Variants in HECTD4 observed in about 807,000 individuals in gnomAD.
HECTD4 encodes the protein probable E3 ubiquitin-protein ligase HECTD4.
In HECTD4, 114 loss-of-function variants were observed where a neutral mutation model predicts 471.5. That is an observed-to-expected ratio of 0.24 (90% CI 0.21 to 0.28). The LOEUF is 0.28. Ranked by LOEUF, HECTD4 falls within the 10% of genes least tolerant of loss-of-function variation. The pLI, the probability that HECTD4 is intolerant of heterozygous loss-of-function variation, is 1.00. For synonymous variants in HECTD4, 2,012 were observed against 2,256.0 expected (o/e 0.89, Z 3.07); for missense variants, 3,866 against 5,651.5 (o/e 0.68, Z 10.13).
intron 61 of HECTD4, among the ~76,000 whole-genome samples, chr12:112,183,632 T>G (rs2031752378): frequency 6.6e-6 from 1 of 152,226 alleles, no homozygotes; most frequent in African/African-American, 2.4e-5. Context: ...TCAACCCTCC[T>G]TGCAGAGCCT....
Position 112,381,836 on chromosome 12 carries a change from T to C in HECTD4, c.177+116A>G. ...TGCCCGCCCCGCGCCCACACACACCTGCCCCGGCAGCCGCCGGGAGGCGAG... is the reference window on the plus strand; with the variant it reads ...TGCCCGCCCCGCGCCCACACACACCCGCCCCGGCAGCCGCCGGGAGGCGAG... On this transcript the variant is annotated intron_variant, in intron 1 of 75. Coordinates refer to ENST00000682272, the MANE Select transcript of HECTD4 (RefSeq NM_001388303.1). This position sits in a 1 kb window ranked among gnomAD's most constrained non-coding sequence, Gnocchi z 4.1. 4.3e-6 allele frequency: 3 copies of C among 691,954 alleles called. No homozygotes were observed. The highest frequency in any genetic ancestry group is 5.9e-6 in the Non-Finnish European group (3 of 504,524). 42.9% of individuals were successfully genotyped at this position (691,954 alleles called of 1,614,324 possible).
intron 22 of HECTD4, 62 bp from the exon 23 acceptor site, chr12:112,252,590 G>A (rs757251729): frequency 6.4e-7 from 1 of 1,556,550 alleles, no homozygotes; most frequent in Non-Finnish European, 8.7e-7. Context: ...TTTCAAAAGA[G>A]CAATGAATTT....
rs1327152230 is a variant in HECTD4, at chr12:112,201,283, G to C, written c.8407-485C>G. On this transcript the variant is annotated intron_variant, in intron 54 of 75. Transcript: ENST00000682272. ...ATTTTTGTATTTTTAGTGGAGGTGGGGTTTCACCATGTTGGCCAGGCTGGT... is the reference window on the plus strand; with the variant it reads ...ATTTTTGTATTTTTAGTGGAGGTGGCGTTTCACCATGTTGGCCAGGCTGGT... The C allele has an allele frequency of 2.1e-5, 6 of 290,598 alleles. No individual in the cohort carries two copies. The East Asian group carries it at 5.9e-4, about 29-fold the overall frequency. 18.0% of individuals were successfully genotyped at this position (290,598 alleles called of 1,614,324 possible). A position where few individuals can be genotyped will look rare whatever the true frequency, so the allele number is the denominator to read the frequency against.
At chr12:112,223,888 A>G (rs992637652) in intron 44 of HECTD4, among the ~76,000 whole-genome samples, 3 of 152,248 alleles carry the variant, frequency 2.0e-5, no homozygotes, top group South Asian at 2.1e-4. Flanking sequence ...GAGGAAAAAT[A>G]ATAGAAGTTG....
chr12:112,161,962 A>T lies in HECTD4; in HGVS notation c.*425T>A. On this transcript the variant is annotated 3_prime_UTR_variant, in exon 76 of 76. Transcript: ENST00000682272. ...TCGAGGCTGGAGGGCAGGGCTGGCC[A>T]CAGGCTTGTCTGTGGAGGCGCTCTG... is the stretch of plus-strand genomic sequence containing the variant. 6.4e-6 allele frequency: 1 copy of T among 157,334 alleles called. No individual in the cohort carries two copies. The highest frequency in any genetic ancestry group is 1.4e-5 in the Non-Finnish European group (1 of 71,356). 9.7% of individuals were successfully genotyped at this position (157,334 alleles called of 1,614,324 possible).
In HECTD4 at chr12:112,191,577, G is replaced by A. The variant is rs569493940; in HGVS notation, c.9293-612C>T. The stretch of plus-strand genomic sequence containing the variant: ...CTCTATAAACACCAGTCAGACAGAA[G>A]CCAGGGCATCAGAGGGCTTTGGACA... On this transcript the variant is annotated intron_variant, in intron 59 of 75. Transcript: ENST00000682272. Among the ~76,000 whole-genome samples the A allele has an allele frequency of 3.9e-5, 6 of 152,320 alleles. No individual in the cohort carries two copies. In the South Asian group the frequency reaches 1.2e-3, roughly 32 times the overall value.
intron 44 of HECTD4, among the ~76,000 whole-genome samples, chr12:112,221,758 C>CT (rs1239894468): frequency 0.017 from 2,427 of 141,214 alleles, 63 homozygotes; most frequent in African/African-American, 0.052. Flanking sequence ...TTTTTCTTTT[C>CT]TTTTTTTTTT....
chr12:112,273,338 C>G (rs932930901), intron 11 of HECTD4, among the ~76,000 whole-genome samples: 5 of 152,128 alleles, frequency 3.3e-5, no homozygotes, highest in Non-Finnish European at 5.9e-5. Flanking sequence ...ATTACAACAG[C>G]AAATAATCCC....
intron 49 of HECTD4, among the ~76,000 whole-genome samples, chr12:112,211,796 T>C (rs2032768899): frequency 6.6e-6 from 1 of 152,316 alleles, no homozygotes; most frequent in African/African-American, 2.4e-5. Flanking sequence ...GGAGCTGCCA[T>C]TTCCTGAGAT....
At chr12:112,246,262 G>A (rs562556401) in intron 29 of HECTD4, among the ~76,000 whole-genome samples, 2 of 152,228 alleles carry the variant, frequency 1.3e-5, no homozygotes, top group Non-Finnish European at 2.9e-5. Flanking sequence ...TCAGCTTCAA[G>A]TAAAGAGGAA....
intron 61 of HECTD4, among the ~76,000 whole-genome samples, chr12:112,183,696 G>A (rs1328430111): frequency 6.6e-6 from 1 of 152,200 alleles, no homozygotes; most frequent in Non-Finnish European, 1.5e-5. Flanking sequence ...CAAAAGCACA[G>A]AAAGGCTCTG....
At chr12:112,253,951 A>C (rs1247268334) in intron 22 of HECTD4, 92 bp downstream of exon 22, 2 of 1,416,372 alleles carry the variant, frequency 1.4e-6, no homozygotes, top group Non-Finnish European at 1.9e-6. Context: ...CCCAGGGCAA[A>C]TGTTTTTCTG....
chr12:112,324,565 G>A (rs1362874960), intron 1 of HECTD4, among the ~76,000 whole-genome samples: 2 of 151,996 alleles, frequency 1.3e-5, no homozygotes, highest in East Asian at 1.9e-4. Flanking sequence ...TCAGATGGCA[G>A]CAGATAAAAT....
At position 112,382,108 on chromosome 12, in the gene HECTD4, C is replaced by G; in HGVS notation, c.21G>C (p.Ala7=). 2.4e-6 allele frequency: 3 copies of G among 1,225,012 alleles called. No individual in the cohort carries two copies. The highest frequency in any genetic ancestry group is 3.0e-6 in the Non-Finnish European group (3 of 984,750). 75.9% of individuals were successfully genotyped at this position (1,225,012 alleles called of 1,614,324 possible). A position where few individuals can be genotyped will look rare whatever the true frequency, so the allele number is the denominator to read the frequency against. The change falls in exon 1 of 76, where the codon GCG becomes GCC. Residue 7 remains alanine, a synonymous_variant. Transcript: ENST00000682272. MGSSAA[A]AAAAAAAADS... ...CAGCGGCCGCCGCCGCCGCCGCCGC[C>G]GCGGCCGCCGACGAGCCCATGGCCC...
At chr12:112,164,930 CTTTT>C (rs763630508) in intron 72 of HECTD4, among the ~76,000 whole-genome samples, 1 of 127,332 alleles carries the variant, frequency 7.9e-6, no homozygotes, top group Non-Finnish European at 1.7e-5. Flanking sequence ...ACCGCTTTTT[CTTTT>C]TTTTTTTTTT....
intron 20 of HECTD4, among the ~76,000 whole-genome samples, chr12:112,257,760 C>A (rs2034052548): frequency 6.6e-6 from 1 of 152,164 alleles, no homozygotes; most frequent in African/African-American, 2.4e-5. Flanking sequence ...ATGTTGTTTC[C>A]AGTTTTGGGC....
Position 112,184,544 on chromosome 12 carries a change from G to A in HECTD4, c.10422C>T (p.Ser3474=), listed in dbSNP as rs771780975. Residue 3474 remains serine, a synonymous_variant, in exon 61 of 76, where the codon TCC becomes TCT. Transcript: ENST00000682272. The surrounding 1 kb of genome is among the most constrained non-coding windows in gnomAD (Gnocchi z 9.1). ...PGTDSMEVST[S]SSLTPAMSIS... is the part of the protein sequence containing the mutation. ...TGCTCATGGCGGGGGTCAGGCTGCT[G>A]GACGTGCTGACCTCCATGCTGTCTG... The A allele has an allele frequency of 6.2e-7, 1 of 1,612,296 alleles. No homozygotes were observed. The highest frequency in any genetic ancestry group is 2.2e-5 in the East Asian group (1 of 44,876).
chr12:112,300,020 AAAGG>A (rs1219224687), intron 7 of HECTD4, among the ~76,000 whole-genome samples: 1 of 152,218 alleles, frequency 6.6e-6, no homozygotes, highest in Non-Finnish European at 1.5e-5. Context: ...GAACTATTAA[AAAGG>A]AAGACCCAAG....
chr12:112,248,282 A>G (rs1267872409), intron 26 of HECTD4, 38 bp downstream of exon 26: 2 of 1,539,758 alleles, frequency 1.3e-6, no homozygotes, highest in Non-Finnish European at 8.8e-7. Flanking sequence ...TTAAATTTCC[A>G]TAAAAGAAAT....
Sources: allele counts gnomAD v4.1 joint callset (sites outside exome capture counted in the v4.1 genomes callset), GRCh38; gene constraint gnomAD v4.1.1; non-coding constraint Gnocchi (gnomAD v3.1); transcripts MANE v1.5; gene names NCBI Gene and HGNC (gene_info 2026-07-23, HGNC 2026-07-21).